The following FSIP2 variants were observed in gnomAD, a reference collection of about 807,000 sequenced individuals.
The protein encoded by FSIP2 is fibrous sheath-interacting protein 2.
A neutral mutation model predicts 510.5 loss-of-function variants in FSIP2; 367 were observed. The observed-to-expected ratio is 0.72, with a 90% CI of 0.66 to 0.78. The LOEUF (loss-of-function observed/expected upper bound fraction) is 0.78. Ranked by LOEUF, FSIP2 falls within the 30% of genes least tolerant of loss-of-function variation. The pLI is 0.00. For missense variants in FSIP2, 7,594 were observed against 7,901.7 expected (o/e 0.96, Z 1.48); for synonymous variants, 2,601 against 2,732.2 (o/e 0.95, Z 1.50).
chr2:185,807,196 T>C lies in FSIP2; in HGVS notation c.17890T>C (p.Leu5964=). Residue 5964 remains leucine (L), a synonymous_variant, in exon 17 of 23, where the codon TTG becomes CTG. Coordinates refer to ENST00000424728, the MANE Select transcript of FSIP2 (RefSeq NM_173651.4). ...TGAAATTTTCCAACGTCAGGTTAAC[T>C]TGATATTTTGTGATGAGGTTTCAGT... is the stretch of plus-strand genomic sequence containing the variant. ...INEIFQRQVN[L]IFCDEVSVSA... 6.2e-7 allele frequency: 1 copy of C among 1,602,114 alleles called. No homozygotes were observed. Among genetic ancestry groups the C allele is most frequent in the South Asian group, 1.1e-5 (1 of 88,198 alleles).
chr2:185,816,504 C>T (rs1400668382), intron 19 of FSIP2, among the ~76,000 whole-genome samples: 1 of 151,834 alleles, frequency 6.6e-6, no homozygotes, highest in Non-Finnish European at 1.5e-5. Flanking sequence ...TTTATAACAG[C>T]TCTGGACAAC....
chr2:185,742,806 C>T (rs1175845235), intron 2 of FSIP2, among the ~76,000 whole-genome samples: 2 of 152,146 alleles, frequency 1.3e-5, no homozygotes, highest in African/African-American at 2.4e-5. Context: ...AGAATCCTAG[C>T]GTTGGCTTTG....
intron 8 of FSIP2, among the ~76,000 whole-genome samples, chr2:185,754,536 G>C (rs932457894): frequency 6.6e-6 from 1 of 151,408 alleles, no homozygotes; most frequent in Non-Finnish European, 1.5e-5. Flanking sequence ...AGCCTCTGTT[G>C]AGTCTTCTTT....
rs1375323960 is a variant in FSIP2 at position 185,803,640 on chromosome 2, A to G, written c.14334A>G (p.Gln4778=). The change falls in exon 17 of 23, where the codon CAA becomes CAG. Residue 4778 remains glutamine (Q), a synonymous_variant. Coordinates refer to ENST00000424728, the MANE Select transcript of FSIP2 (RefSeq NM_173651.4). ...VQYDISKSRF[Q]RQASTMYTTM... ...ATGATATAAGTAAATCAAGATTCCAAAGACAAGCTTCAACAATGTATACCA... is the reference window on the plus strand; with the variant it reads ...ATGATATAAGTAAATCAAGATTCCAGAGACAAGCTTCAACAATGTATACCA... 8 of 1,529,050 alleles carry G rather than the reference A, an allele frequency of 5.2e-6. No individual in the cohort carries two copies. The Admixed American group carries it at 1.6e-4, about 31-fold the overall frequency. The allele number at this position is 1,529,050 out of a possible 1,614,324, so 94.7% of individuals were successfully genotyped here.
chr2:185,786,102 G>A (rs1028145567), intron 14 of FSIP2, 150 bp from the exon 15 acceptor site: 8 of 577,238 alleles, frequency 1.4e-5, no homozygotes, highest in Non-Finnish European at 2.5e-5. Flanking sequence ...GAAATAGGGG[G>A]GTTGGAAAAA....
chr2:185,756,156 T>A, intron 8 of FSIP2, 36 bp from the exon 9 acceptor site: 1 of 831,622 alleles, frequency 1.2e-6, no homozygotes, highest in Non-Finnish European at 1.8e-6. Flanking sequence ...GTCATCATCA[T>A]AAGTAAAAAT....
At position 185,822,992 on chromosome 2, in the gene FSIP2, A is replaced by G. The variant is rs904738643; in HGVS notation, c.20427-1442A>G. Among the ~76,000 whole-genome samples, 10 of 151,852 alleles carry G rather than the reference A, an allele frequency of 6.6e-5. No individual in the cohort carries two copies. In the South Asian group the frequency reaches 1.9e-3, roughly 28 times the overall value. On this transcript the variant is annotated intron_variant, in intron 19 of 22. Transcript: ENST00000424728. ...TTTCCACAAGTGGTGATGGGAATAG[A>G]TACTCACATGCAAAAAACAAACAAA...
intron 13 of FSIP2, among the ~76,000 whole-genome samples, chr2:185,781,561 C>G (rs1046129306): frequency 6.6e-6 from 1 of 152,104 alleles, no homozygotes; most frequent in African/African-American, 2.4e-5. Flanking sequence ...ATGCTCTGAC[C>G]AGACACTAAA....
At position 185,806,275 on chromosome 2, in the gene FSIP2, A is replaced by C. The variant is rs778377941; in HGVS notation, c.16969A>C (p.Arg5657=). 1 of 1,609,814 alleles carries C rather than the reference A, an allele frequency of 6.2e-7. No individual in the cohort carries two copies. The highest frequency in any genetic ancestry group is 8.5e-7 in the Non-Finnish European group (1 of 1,177,828). The change falls in exon 17 of 23, where the codon AGA becomes CGA. Residue 5657 remains arginine, a synonymous_variant. Coordinates refer to ENST00000424728, the MANE Select transcript of FSIP2 (RefSeq NM_173651.4). The part of the protein sequence containing the change: ...IRIRTSSNEG[R]RDSPTQTCRD... ...AATTCGAACATCAAGCAATGAGGGG[A>C]GAAGAGACTCTCCAACACAAACGTG... is the stretch of plus-strand genomic sequence containing the variant.
chr2:185,760,959 T>A, intron 9 of FSIP2, 29 bp from the exon 10 acceptor site: 1 of 839,022 alleles, frequency 1.2e-6, no homozygotes, highest in Non-Finnish European at 1.8e-6. Context: ...AAAAAAAAAC[T>A]ATAGAGTTTC....
chr2:185,738,706 G>C (rs1691839025), upstream of FSIP2: 5 of 1,535,976 alleles, frequency 3.3e-6, no homozygotes, highest in African/African-American at 1.4e-5. Context: ...CTACGCGCTG[G>C]CGCGAGCCGC....
chr2:185,795,449 AG>A lies in FSIP2; in HGVS notation c.8315del (p.Gly2772ValfsTer3), dbSNP rs1158937095. 1 of 1,534,618 alleles carries A rather than the reference AG, an allele frequency of 6.5e-7. No homozygotes were observed. The highest frequency in any genetic ancestry group is 8.7e-7 in the Non-Finnish European group (1 of 1,145,946). Reference protein sequence around the residue: ...ALPSDQIIAAGKIVNTVLQEL... With the variant: ...ALPSDQIIAAXKIVNTVLQEL... Reference sequence around the variant, plus strand: ...TACCATCTGATCAAATCATAGCAGCAGGTAAAATAGTTAATACAGTTTTGCA... The same window carrying A: ...TACCATCTGATCAAATCATAGCAGCAGTAAAATAGTTAATACAGTTTTGCA... On this transcript the variant is annotated frameshift_variant, in exon 16 of 23. Transcript: ENST00000424728. LOFTEE classifies it high-confidence loss of function.
chr2:185,812,251 T>G (rs567909497), intron 17 of FSIP2, among the ~76,000 whole-genome samples: 2 of 152,200 alleles, frequency 1.3e-5, no homozygotes, highest in South Asian at 4.1e-4. Flanking sequence ...GTGCCCTAGA[T>G]GTGGGACATA....
At chr2:185,820,772 T>C (rs1693900687) in intron 19 of FSIP2, among the ~76,000 whole-genome samples, 1 of 151,298 alleles carries the variant, frequency 6.6e-6, no homozygotes, top group African/African-American at 2.4e-5. Context: ...CTTACCAAAC[T>C]TCCCAAAACT....
At chr2:185,741,342 T>C (rs1380019154) in intron 2 of FSIP2, among the ~76,000 whole-genome samples, 1 of 152,158 alleles carries the variant, frequency 6.6e-6, no homozygotes, top group Non-Finnish European at 1.5e-5. Context: ...CTCTCCTTCA[T>C]GAGGTAATGG....
Position 185,805,500 on chromosome 2 carries a change from T to C in FSIP2, c.16194T>C (p.Phe5398=). The change falls in exon 17 of 23, where the codon TTT becomes TTC. Residue 5398 remains phenylalanine (F), a synonymous_variant. Coordinates refer to ENST00000424728, the MANE Select transcript of FSIP2 (RefSeq NM_173651.4). ...CTGCATTCAGGATTCAACCACTTTT[T>C]TCAGGAGACTGGTCTTCCACCTTCT... is the stretch of plus-strand genomic sequence containing the variant. ...AISAFRIQPL[F]SGDWSSTFFS... 6.2e-7 allele frequency: 1 copy of C among 1,611,830 alleles called. No homozygotes were observed. The highest frequency in any genetic ancestry group is 8.5e-7 in the Non-Finnish European group (1 of 1,178,548).
intron 7 of FSIP2, among the ~76,000 whole-genome samples, chr2:185,752,081 C>A (rs1462594683): frequency 1.3e-5 from 2 of 149,356 alleles, no homozygotes; most frequent in Non-Finnish European, 3.0e-5. Context: ...TTTTTTCTGT[C>A]TGAAGGGCTT....
intron 10 of FSIP2, 32 bp downstream of exon 10, chr2:185,761,135 T>A: frequency 1.1e-6 from 1 of 876,424 alleles, no homozygotes; most frequent in Non-Finnish European, 1.7e-6. Context: ...TTTTGTGTTG[T>A]ATTTATTAAT....
chr2:185,762,370 TAC>T (rs1394335916), intron 11 of FSIP2, among the ~76,000 whole-genome samples: 1 of 151,350 alleles, frequency 6.6e-6, no homozygotes, highest in Non-Finnish European at 1.5e-5. Context: ...CAACAAATGA[TAC>T]ATTTTGTTTC....
Sources: allele counts gnomAD v4.1 joint callset (sites outside exome capture counted in the v4.1 genomes callset), GRCh38; gene constraint gnomAD v4.1.1; transcripts MANE v1.5; gene names NCBI Gene and HGNC (gene_info 2026-07-23, HGNC 2026-07-21).